EMSY: variants seen among roughly 807,000 people sequenced by gnomAD.
EMSY encodes the protein EMSY transcriptional repressor, BRCA2 interacting, also known as BRCA2-interacting transcriptional repressor EMSY.
In EMSY, 26 loss-of-function variants were observed where a neutral mutation model predicts 134.6. The observed-to-expected ratio is 0.19, with a 90% CI of 0.14 to 0.27. EMSY has a LOEUF of 0.27. Ranked by LOEUF, EMSY falls within the 10% of genes least tolerant of loss-of-function variation. The pLI is 1.00. For synonymous variants in EMSY, 579 were observed against 577.8 expected, an observed-to-expected ratio of 1.00 and a Z score of -0.03; for missense variants, 1,305 against 1,611.4, an observed-to-expected ratio of 0.81 and a Z score of 3.26.
rs958289545 is a variant in EMSY, at chr11:76,536,190, C to T, written c.2359+131C>T. On this transcript the variant is annotated intron_variant, in intron 15 of 20. Coordinates refer to ENST00000334736, the Ensembl canonical transcript of EMSY. ...TTATTGCTATTATTTGAGCACATTT[C>T]CCCCCTCTGGACTTGTCTATAATCA... The T allele has an allele frequency of 2.3e-5, 14 of 604,276 alleles. No individual in the cohort carries two copies. In the Admixed American group the frequency reaches 4.9e-4, roughly 21 times the overall value. The allele number at this position is 604,276 out of a possible 1,614,324, so 37.4% of individuals were successfully genotyped here.
intron 6 of EMSY, 60 bp downstream of exon 7, chr11:76,460,145 T>C: frequency 6.5e-7 from 1 of 1,549,424 alleles, no homozygotes; most frequent in Non-Finnish European, 8.9e-7. Flanking sequence ...GTCTAGGCTC[T>C]GATTAGACCT....
chr11:76,469,332 TC>T (rs552728719), intron 7 of EMSY, among the ~76,000 whole-genome samples: 116 of 152,280 alleles, frequency 7.6e-4, no homozygotes, highest in Non-Finnish European at 1.4e-3. Context: ...AGCATTGTGC[TC>T]CAGGAAGCTA....
At chr11:76,518,703 A>ATATTTT (rs57143914) in intron 11 of EMSY, among the ~76,000 whole-genome samples, 87 of 130,190 alleles carry the variant, frequency 6.7e-4, no homozygotes, top group South Asian at 1.0e-3. Context: ...ATATATATAT[A>ATATTTT]TTTTTTTTTT....
chr11:76,486,445 G>A (rs1949185789), intron 8 of EMSY, among the ~76,000 whole-genome samples: 1 of 152,158 alleles, frequency 6.6e-6, no homozygotes, highest in African/African-American at 2.4e-5. Flanking sequence ...AGTGAACAGA[G>A]GCATGAGTGT....
intron 9 of EMSY, among the ~76,000 whole-genome samples, chr11:76,501,101 TTATAC>T (rs1463970271): frequency 1.3e-5 from 2 of 152,256 alleles, no homozygotes; most frequent in African/African-American, 4.8e-5. Flanking sequence ...TATGTAGCTG[TTATAC>T]TATATTGTTT....
chr11:76,498,972 T>C (rs1205261346), intron 9 of EMSY, among the ~76,000 whole-genome samples: 1 of 152,264 alleles, frequency 6.6e-6, no homozygotes, highest in Non-Finnish European at 1.5e-5. Context: ...TAACTTGTTT[T>C]TGTTTTTGAG....
chr11:76,475,124 C>A (rs1321237919), intron 8 of EMSY, among the ~76,000 whole-genome samples: 1 of 152,032 alleles, frequency 6.6e-6, no homozygotes, highest in Non-Finnish European at 1.5e-5. Flanking sequence ...CAAACATGTT[C>A]CGAATTCACC....
intron 14 of EMSY, among the ~76,000 whole-genome samples, chr11:76,531,285 C>T (rs149348773): frequency 2.0e-5 from 3 of 152,278 alleles, no homozygotes; most frequent in African/African-American, 4.8e-5. Context: ...TAATAATGTT[C>T]TTTATGGTTT....
intron 19 of EMSY, 90 bp downstream of exon 20, chr11:76,544,912 C>A (rs948925395): frequency 2.9e-6 from 4 of 1,379,430 alleles, no homozygotes; most frequent in Non-Finnish European, 2.0e-6. Context: ...GATATCAGTG[C>A]TTTCTCCTGG....
At chr11:76,471,861 C>T (rs1487105673) in intron 7 of EMSY, among the ~76,000 whole-genome samples, 1 of 152,116 alleles carries the variant, frequency 6.6e-6, no homozygotes, top group Admixed American at 6.6e-5. Flanking sequence ...CTTGAACATA[C>T]CAAGCTTGCT....
chr11:76,513,309 A>C, intron 9 of EMSY, 77 bp from the exon 11 acceptor site: 1 of 1,395,150 alleles, frequency 7.2e-7, no homozygotes, highest in East Asian at 2.5e-5. Flanking sequence ...GTGTGTGACT[A>C]CTGCCCTCTT....
At chr11:76,491,724 C>T (rs1203182887) in intron 8 of EMSY, among the ~76,000 whole-genome samples, 2 of 152,248 alleles carry the variant, frequency 1.3e-5, no homozygotes, top group African/African-American at 4.8e-5. Flanking sequence ...TCTAACTTTA[C>T]ATGCTGGGTT....
intron 9 of EMSY, among the ~76,000 whole-genome samples, chr11:76,501,092 A>G (rs1949841371): frequency 6.6e-6 from 1 of 152,212 alleles, no homozygotes; most frequent in Non-Finnish European, 1.5e-5. Context: ...TGTAAATGCT[A>G]TGTAGCTGTT....
At chr11:76,549,758 G>C (rs941253101) in intron 20 of EMSY, among the ~76,000 whole-genome samples, 194 bp from the exon 22 acceptor site, 3 of 152,070 alleles carry the variant, frequency 2.0e-5, no homozygotes, top group Non-Finnish European at 4.4e-5. Flanking sequence ...GTTGTCACAG[G>C]GATTTAGCAG....
At position 76,463,772 on chromosome 11, in the gene EMSY, T is replaced by C. The variant is rs113969432; in HGVS notation, c.572-49T>C. 327 of 1,587,258 alleles carry C rather than the reference T, an allele frequency of 2.1e-4. 1 individual carries two copies. In the African/African-American group the frequency reaches 3.6e-3, roughly 17 times the overall value. On this transcript the variant is annotated intron_variant, in intron 6 of 20. Transcript: ENST00000334736. Reference sequence around the variant, plus strand: ...AAGATTTTAAAAATAAAGTGTATAATGCAAGATTAGTTTGGTATACATATA... The same window carrying C: ...AAGATTTTAAAAATAAAGTGTATAACGCAAGATTAGTTTGGTATACATATA...
intron 9 of EMSY, among the ~76,000 whole-genome samples, chr11:76,499,567 A>C (rs1302704383): frequency 1.3e-5 from 2 of 152,054 alleles, no homozygotes; most frequent in Non-Finnish European, 2.9e-5. Flanking sequence ...TATTGCAGGC[A>C]TGAGCCACTG....
At chr11:76,545,860 C>T (rs750291109) in exon 20 of EMSY, 2 of 1,614,042 alleles carry the variant, frequency 1.2e-6, no homozygotes, top group East Asian at 4.5e-5. Flanking sequence ...GGGGCGCCAG[C>T]CTCCCACAGT....
In EMSY at chr11:76,522,352, C is replaced by CTTTTTTTTTTTTTTTT. The variant is rs71040003; in HGVS notation, c.1685-788_1685-773dup. Among the ~76,000 whole-genome samples, 10 of 44,248 alleles carry CTTTTTTTTTTTTTTTT rather than the reference C, an allele frequency of 2.3e-4. 2 individuals carry two copies. Among genetic ancestry groups the CTTTTTTTTTTTTTTTT allele is most frequent in the East Asian group, 8.8e-4 (1 of 1,134 alleles). 29.0% of individuals were successfully genotyped at this position (44,248 alleles called of 152,430 possible). A position where few individuals can be genotyped will look rare whatever the true frequency, so the allele number is the denominator to read the frequency against. On this transcript the variant is annotated intron_variant, in intron 11 of 20. Transcript: ENST00000334736. Reference sequence around the variant, plus strand: ...CTTGTTTTGTATATCGTTTACTTTGCTTTTTTTTTTTTTTTTTTTTTTTTT... The same window carrying CTTTTTTTTTTTTTTTT: ...CTTGTTTTGTATATCGTTTACTTTGCTTTTTTTTTTTTTTTTTTTTTTTTTTTTTTTTTTTTTTTTT...
At chr11:76,540,953 G>C (rs1951416646) in intron 17 of EMSY, among the ~76,000 whole-genome samples, 1 of 152,180 alleles carries the variant, frequency 6.6e-6, no homozygotes, top group Non-Finnish European at 1.5e-5. Context: ...GGCCAAGTGT[G>C]GTGGCTCATG....
Sources: allele counts gnomAD v4.1 joint callset (sites outside exome capture counted in the v4.1 genomes callset), GRCh38; gene constraint gnomAD v4.1.1; transcripts MANE v1.5; gene names NCBI Gene and HGNC (gene_info 2026-07-23, HGNC 2026-07-21).